Variants in LTBP1 observed in about 807,000 individuals in gnomAD.
LTBP1 encodes the protein latent-transforming growth factor beta-binding protein 1.
In LTBP1, 129 loss-of-function variants were observed where a neutral mutation model predicts 207.6. That is an observed-to-expected ratio of 0.62 (90% CI 0.54 to 0.72). The LOEUF (loss-of-function observed/expected upper bound fraction) is 0.72, where lower values mean the gene tolerates loss of function less well. LTBP1 is among the 30% of genes least tolerant of loss of function. The probability of loss-of-function intolerance (pLI) is 0.00; values close to 1 mark genes in which losing one functional copy is unlikely to be tolerated. For synonymous variants in LTBP1, 963 were observed against 833.7 expected (o/e 1.16, Z -2.67); for missense variants, 2,281 against 2,217.2 (o/e 1.03, Z -0.58).
chr2:33,328,129 C>CT (rs1411828016), intron 24 of LTBP1, among the ~76,000 whole-genome samples: 1 of 59,980 alleles, frequency 1.7e-5, no homozygotes, highest in Admixed American at 1.4e-4. Flanking sequence ...GAGTGAGACT[C>CT]TGTCTCAATA....
chr2:33,288,453 G>A (rs1431939204), intron 19 of LTBP1, among the ~76,000 whole-genome samples: 2 of 152,210 alleles, frequency 1.3e-5, no homozygotes, highest in African/African-American at 2.4e-5. Context: ...GAGACAATGA[G>A]CCAGGTGGGA....
intron 18 of LTBP1, among the ~76,000 whole-genome samples, chr2:33,278,221 T>A (rs1279991848): frequency 6.6e-6 from 1 of 152,084 alleles, no homozygotes; most frequent in African/African-American, 2.4e-5. Context: ...GAAAATAAAT[T>A]GGAAAATTAT....
At chr2:33,124,791 A>G (rs1271986940) in intron 4 of LTBP1, among the ~76,000 whole-genome samples, 1 of 152,236 alleles carries the variant, frequency 6.6e-6, no homozygotes, top group African/African-American at 2.4e-5. Flanking sequence ...AATTATATCC[A>G]TACAAATTAT....
intron 3 of LTBP1, among the ~76,000 whole-genome samples, chr2:33,026,637 A>G (rs1311267260): frequency 6.6e-6 from 1 of 152,214 alleles, no homozygotes; most frequent in Admixed American, 6.5e-5. Context: ...TATGTGGAAA[A>G]AAAAGGCATT....
chr2:33,067,954 C>G (rs1268934689), intron 3 of LTBP1, among the ~76,000 whole-genome samples: 1 of 151,982 alleles, frequency 6.6e-6, no homozygotes, highest in East Asian at 1.9e-4. Flanking sequence ...TAGCAACATA[C>G]CAAAAGGAGG....
Position 33,251,149 on chromosome 2 carries a change from G to T in LTBP1, c.2000-1528G>T, listed in dbSNP as rs568165798. ...CTGCTACTACTGGGGCTGAGGACTG[G>T]CCCACCTGGTAGCCTCATCCTCGGC... On this transcript the variant is annotated intron_variant, in intron 10 of 33. Transcript: ENST00000404816. Among the ~76,000 whole-genome samples the T allele has an allele frequency of 2.0e-5, 3 of 152,176 alleles. No homozygotes were observed. The East Asian group carries it at 5.8e-4, about 29-fold the overall frequency.
intron 7 of LTBP1, among the ~76,000 whole-genome samples, chr2:33,196,352 A>C (rs886640916): frequency 6.6e-6 from 1 of 152,242 alleles, no homozygotes; most frequent in African/African-American, 2.4e-5. Flanking sequence ...TAAATAGAAT[A>C]GTATATTTTA....
intron 5 of LTBP1, among the ~76,000 whole-genome samples, chr2:33,138,660 G>A (rs945753498): frequency 1.1e-4 from 16 of 151,946 alleles, no homozygotes; most frequent in African/African-American, 3.6e-4. Context: ...ATATAAATTC[G>A]TGTCACAACT....
rs58858558 is a variant in LTBP1 at position 33,000,886 on chromosome 2, A to G, written c.566-20023A>G. 4.4e-3 allele frequency among the ~76,000 whole-genome samples: 593 copies of G among 134,752 alleles called. 87 individuals are homozygous for G. The highest frequency in any genetic ancestry group is 0.014 in the African/African-American group (554 of 38,764). 88.4% of individuals were successfully genotyped at this position (134,752 alleles called of 152,430 possible). A position where few individuals can be genotyped will look rare whatever the true frequency, so the allele number is the denominator to read the frequency against. On this transcript the variant is annotated intron_variant, in intron 2 of 33. Transcript: ENST00000404816. The stretch of plus-strand genomic sequence containing the variant: ...GGGGTTCAAACACTCAACCCGCTTC[A>G]TCTGCTTCATGTATTAAGCTTCAGT...
At chr2:33,309,342 G>A in intron 22 of LTBP1, 92 bp from the exon 23 acceptor site, 2 of 706,988 alleles carry the variant, frequency 2.8e-6, no homozygotes, top group Non-Finnish European at 2.2e-6. Context: ...TATAAATGAT[G>A]TAAAATAGTG....
At chr2:33,140,859 G>T (rs1403244630) in intron 5 of LTBP1, among the ~76,000 whole-genome samples, 2 of 151,856 alleles carry the variant, frequency 1.3e-5, no homozygotes, top group Non-Finnish European at 2.9e-5. Context: ...AGTAGAGACG[G>T]GGTTTCACTA....
chr2:32,997,180 C>T (rs891785917), intron 2 of LTBP1, among the ~76,000 whole-genome samples: 3 of 152,044 alleles, frequency 2.0e-5, no homozygotes, highest in South Asian at 4.1e-4. Flanking sequence ...CTACTGCACC[C>T]GGCCTGGATG....
chr2:33,256,212 G>A (rs1473180250), intron 11 of LTBP1, among the ~76,000 whole-genome samples: 1 of 151,894 alleles, frequency 6.6e-6, no homozygotes, highest in East Asian at 1.9e-4. Flanking sequence ...CCCAGTTGTT[G>A]TTCCTTTACT....
At chr2:33,051,541 C>T (rs898629921) in intron 3 of LTBP1, among the ~76,000 whole-genome samples, 3 of 152,178 alleles carry the variant, frequency 2.0e-5, no homozygotes, top group African/African-American at 7.2e-5. Flanking sequence ...TGGTGGTCCT[C>T]TCCTAATTGA....
Position 33,342,956 on chromosome 2 carries a change from G to T in LTBP1, c.3849G>T (p.Gly1283=). The T allele has an allele frequency of 6.2e-7, 1 of 1,610,586 alleles. No individual in the cohort carries two copies. Among genetic ancestry groups the T allele is most frequent in the Non-Finnish European group, 8.5e-7 (1 of 1,178,338 alleles). The change falls in exon 25 of 34, where the codon GGG becomes GGT. Residue 1283 remains glycine, a synonymous_variant. Transcript: ENST00000404816. ...TTCAAGCCCCACAGGATGGGCAAGGGTGTGTGGGTGAGTTTTTAGATTTTT... is the reference window on the plus strand; with the variant it reads ...TTCAAGCCCCACAGGATGGGCAAGGTTGTGTGGGTGAGTTTTTAGATTTTT... ...QGFQAPQDGQ[G]CVDVNECELL... is the part of the protein sequence containing the mutation.
intron 3 of LTBP1, among the ~76,000 whole-genome samples, chr2:33,073,068 G>A (rs961226894): frequency 3.9e-5 from 6 of 152,164 alleles, no homozygotes; most frequent in Admixed American, 6.5e-5. Flanking sequence ...TGGCATTCAC[G>A]TGGTCATTGT....
intron 3 of LTBP1, among the ~76,000 whole-genome samples, chr2:33,055,493 T>A (rs2076953578): frequency 1.3e-5 from 2 of 152,212 alleles, no homozygotes; most frequent in African/African-American, 4.8e-5. Context: ...TGGGGATCCA[T>A]ACTGGGGATA....
chr2:33,110,489 T>G, intron 3 of LTBP1, 93 bp from the exon 4 acceptor site: 1 of 1,162,082 alleles, frequency 8.6e-7, no homozygotes, highest in Non-Finnish European at 1.2e-6. Context: ...TGATGCTCCT[T>G]TCTACATTTA....
rs6752946 is a variant in LTBP1 at position 33,184,206 on chromosome 2, C to T, written c.1202-2650C>T. Among the ~76,000 whole-genome samples, 1,341 of 152,280 alleles carry T rather than the reference C, an allele frequency of 8.8e-3. 21 individuals carry two copies. The highest frequency in any genetic ancestry group is 0.037 in the Middle Eastern group (11 of 294). ...CTTTCCAGCTAATCCCGCATGCCATCACTGGAGTAATCTTCCTGGAACACT... is the reference window on the plus strand; with the variant it reads ...CTTTCCAGCTAATCCCGCATGCCATTACTGGAGTAATCTTCCTGGAACACT... On this transcript the variant is annotated intron_variant, in intron 5 of 33. Coordinates refer to ENST00000404816, the MANE Select transcript of LTBP1 (RefSeq NM_206943.4).
Sources: allele counts gnomAD v4.1 joint callset (sites outside exome capture counted in the v4.1 genomes callset), GRCh38; gene constraint gnomAD v4.1.1; transcripts MANE v1.5; gene names NCBI Gene and HGNC (gene_info 2026-07-23, HGNC 2026-07-21).